RALGAPA2: variants seen among roughly 807,000 people sequenced by gnomAD.
RALGAPA2 encodes the protein Ral GTPase activating protein catalytic subunit alpha 2.
In RALGAPA2, 139 loss-of-function variants were observed where a neutral mutation model predicts 230.4. The observed-to-expected ratio is 0.60, with a 90% CI of 0.53 to 0.69. The LOEUF (loss-of-function observed/expected upper bound fraction) is 0.69, where lower values mean the gene tolerates loss of function less well. Ranked by LOEUF, RALGAPA2 falls within the 30% of genes least tolerant of loss-of-function variation. The pLI, the probability that RALGAPA2 is intolerant of heterozygous loss-of-function variation, is 0.00. For missense variants in RALGAPA2, 2,163 were observed against 2,276.0 expected (o/e 0.95, Z 1.01); for synonymous variants, 847 against 837.8 (o/e 1.01, Z -0.19).
chr20:20,643,724 A>T (rs1413547607), intron 4 of RALGAPA2, among the ~76,000 whole-genome samples, 175 bp from the exon 5 acceptor site: 1 of 152,250 alleles, frequency 6.6e-6, no homozygotes, highest in African/African-American at 2.4e-5. Context: ...AGATAAAAGT[A>T]CCTTAAGTAT....
chr20:20,395,502 G>A (rs114580726), intron 39 of RALGAPA2, among the ~76,000 whole-genome samples: 2 of 152,216 alleles, frequency 1.3e-5, no homozygotes, highest in African/African-American at 2.4e-5. Flanking sequence ...GCATGGAGAC[G>A]GGGGTCTCGG....
intron 37 of RALGAPA2, among the ~76,000 whole-genome samples, chr20:20,439,697 G>A (rs760036166): frequency 1.3e-5 from 2 of 152,176 alleles, no homozygotes; most frequent in Non-Finnish European, 2.9e-5. Flanking sequence ...ACAGCTACAT[G>A]CACAGCTTCA....
chr20:20,701,637 G>A (rs888734009), intron 1 of RALGAPA2, among the ~76,000 whole-genome samples: 1 of 152,216 alleles, frequency 6.6e-6, no homozygotes, highest in African/African-American at 2.4e-5. Context: ...GGCTGAGGCA[G>A]GAGAATTGCT....
chr20:20,525,143 A>G (rs1244110501), intron 28 of RALGAPA2, among the ~76,000 whole-genome samples: 3 of 152,256 alleles, frequency 2.0e-5, no homozygotes, highest in Non-Finnish European at 4.4e-5. Flanking sequence ...CAGAGAAAAG[A>G]GTATTTCTCT....
At chr20:20,515,688 C>T (rs1467288526) in intron 31 of RALGAPA2, among the ~76,000 whole-genome samples, 4 of 152,200 alleles carry the variant, frequency 2.6e-5, no homozygotes, top group Non-Finnish European at 2.9e-5. Flanking sequence ...CCAGCATGAA[C>T]CGAGGGAAGC....
At chr20:20,598,979 T>C (rs2065549855) in intron 16 of RALGAPA2, among the ~76,000 whole-genome samples, 1 of 152,192 alleles carries the variant, frequency 6.6e-6, no homozygotes, top group Admixed American at 6.5e-5. Context: ...TTAATTGTAG[T>C]CTCTAAATAC....
chr20:20,549,876 A>G (rs2063875945), intron 23 of RALGAPA2, among the ~76,000 whole-genome samples: 1 of 152,240 alleles, frequency 6.6e-6, no homozygotes, highest in African/African-American at 2.4e-5. Context: ...TACATGGGAA[A>G]GAATGATGCT....
At chr20:20,690,585 T>A (rs1429164338) in intron 1 of RALGAPA2, among the ~76,000 whole-genome samples, 3 of 145,962 alleles carry the variant, frequency 2.1e-5, no homozygotes, top group South Asian at 4.8e-4. Flanking sequence ...ACCCACTATA[T>A]CCAATAAAGC....
chr20:20,504,900 T>C, intron 34 of RALGAPA2: 16 of 788,296 alleles, frequency 2.0e-5, no homozygotes, highest in Non-Finnish European at 2.5e-5. Flanking sequence ...CAGAGTACCA[T>C]TTAATAAAGA....
intron 20 of RALGAPA2, among the ~76,000 whole-genome samples, chr20:20,575,816 C>T (rs2064801793): frequency 6.6e-6 from 1 of 152,152 alleles, no homozygotes; most frequent in Non-Finnish European, 1.5e-5. Context: ...TCTGCAACTT[C>T]AAGAAGTTGG....
intron 9 of RALGAPA2, among the ~76,000 whole-genome samples, chr20:20,631,553 A>G (rs937929475): frequency 3.9e-5 from 6 of 152,234 alleles, no homozygotes; most frequent in Non-Finnish European, 8.8e-5. Context: ...ATGCAGGGCC[A>G]CAGCCAAGGA....
intron 34 of RALGAPA2, 135 bp downstream of exon 34, chr20:20,505,276 A>C (rs2062498917): frequency 2.4e-6 from 3 of 1,237,448 alleles, no homozygotes; most frequent in Middle Eastern, 2.0e-4. Context: ...AAATCCAATA[A>C]ATTCTTCAAT....
At chr20:20,487,565 C>A (rs1004312522) in intron 36 of RALGAPA2, among the ~76,000 whole-genome samples, 3 of 152,074 alleles carry the variant, frequency 2.0e-5, no homozygotes, top group Non-Finnish European at 4.4e-5. Context: ...GACTAGAAGG[C>A]GTTGGTATTA....
At position 20,712,504 on chromosome 20, in the gene RALGAPA2, CGCCGGCGG is replaced by C; in HGVS notation, c.-32_-25del. 6.5e-7 allele frequency: 1 copy of C among 1,539,550 alleles called. No individual in the cohort carries two copies. The highest frequency in any genetic ancestry group is 8.8e-7 in the Non-Finnish European group (1 of 1,142,026). On this transcript the variant is annotated 5_prime_UTR_variant, in exon 1 of 40. Coordinates refer to ENST00000202677, the MANE Select transcript of RALGAPA2 (RefSeq NM_020343.4). The surrounding 1 kb of genome is among the most constrained non-coding windows in gnomAD (Gnocchi z 5.5). Reference sequence around the variant, plus strand: ...ATCCCGCGGCAGGAAGCCCGGGCCCCGCCGGCGGGGCAGTAGGCGCCTGCGCCACGCGA... The same window carrying C: ...ATCCCGCGGCAGGAAGCCCGGGCCCCGGCAGTAGGCGCCTGCGCCACGCGA...
At chr20:20,536,909 A>G (rs1444425940) in intron 24 of RALGAPA2, 125 bp from the exon 25 acceptor site, 4 of 1,133,978 alleles carry the variant, frequency 3.5e-6, no homozygotes, top group Non-Finnish European at 4.8e-6. Context: ...ATTCTCTTCC[A>G]AGTGCATATT....
At chr20:20,406,233 G>A (rs1403642015) in intron 38 of RALGAPA2, among the ~76,000 whole-genome samples, 1 of 151,994 alleles carries the variant, frequency 6.6e-6, no homozygotes, top group Non-Finnish European at 1.5e-5. Flanking sequence ...CGAATCTAGT[G>A]GAGGGACTCA....
At chr20:20,628,566 A>G (rs2066566071) in intron 10 of RALGAPA2, among the ~76,000 whole-genome samples, 1 of 151,182 alleles carries the variant, frequency 6.6e-6, no homozygotes, top group African/African-American at 2.4e-5. Context: ...TGACACATTG[A>G]GCCAGATAGT....
intron 36 of RALGAPA2, among the ~76,000 whole-genome samples, chr20:20,480,638 C>T (rs945465350): frequency 6.6e-6 from 1 of 152,104 alleles, no homozygotes; most frequent in Non-Finnish European, 1.5e-5. Flanking sequence ...AAAGGAGGCT[C>T]CAGGATAGAC....
At position 20,509,553 on chromosome 20, in the gene RALGAPA2, T is replaced by C. The variant is rs541841363; in HGVS notation, c.4928+1701A>G. Among the ~76,000 whole-genome samples, 45 of 152,172 alleles carry C rather than the reference T, an allele frequency of 3.0e-4. 1 individual carries two copies. The highest frequency in any genetic ancestry group is 6.5e-4 in the Admixed American group (10 of 15,278). ...GTCCCCTTCTGCAGAGGGAATCAGGTTTGGAACAGCCATCCTGTCACATTC... is the reference window on the plus strand; with the variant it reads ...GTCCCCTTCTGCAGAGGGAATCAGGCTTGGAACAGCCATCCTGTCACATTC... On this transcript the variant is annotated intron_variant, in intron 33 of 39. Transcript: ENST00000202677.
Sources: gnomAD v4.1 joint callset for allele counts (sites outside exome capture counted in the v4.1 genomes callset) on GRCh38, gnomAD v4.1.1 for gene constraint, Gnocchi (gnomAD v3.1) non-coding constraint, MANE v1.5 for transcripts, NCBI Gene and HGNC (gene_info 2026-07-23, HGNC 2026-07-21) for gene names.